Variants in RABL2A observed in about 807,000 individuals in gnomAD.
The protein encoded by RABL2A is RAB, member of RAS oncogene family like 2A.
RABL2A carries 17 observed loss-of-function variants against 30.7 expected under a neutral mutation model. The observed-to-expected ratio is 0.55, with a 90% confidence interval of 0.38 to 0.83. The LOEUF (loss-of-function observed/expected upper bound fraction) is 0.83, where lower values mean the gene tolerates loss of function less well. Among genes scored for constraint, RABL2A ranks in the 40% least tolerant of loss-of-function variants. The pLI, the probability that RABL2A is intolerant of heterozygous loss-of-function variation, is 0.00. For synonymous variants in RABL2A, 64 were observed against 101.8 expected (o/e 0.63, Z 2.24); for missense variants, 155 against 272.6 (o/e 0.57, Z 3.04).
chr2:113,635,553 G>A, intron 5 of RABL2A: 1 of 286,146 alleles, frequency 3.5e-6, no homozygotes, highest in Non-Finnish European at 6.9e-6. Flanking sequence ...TCTCTCTCAG[G>A]CCAGCCCCTC....
intron 5 of RABL2A, among the ~76,000 whole-genome samples, chr2:113,639,164 G>C (rs1343175671): frequency 1.3e-5 from 2 of 151,826 alleles, no homozygotes; most frequent in Admixed American, 6.6e-5. Context: ...GCATGTGCCT[G>C]TAGTTCCAGC....
intron 2 of RABL2A, among the ~76,000 whole-genome samples, chr2:113,631,431 T>A (rs1270574311): frequency 6.6e-6 from 1 of 152,074 alleles, no homozygotes; most frequent in East Asian, 1.9e-4. Context: ...GGTCACACCA[T>A]GTGACTCCCT....
In RABL2A at chr2:113,641,452, T is replaced by C. The variant is rs751128970; in HGVS notation, c.507+2T>C. 2 of 1,611,706 alleles carry C rather than the reference T, an allele frequency of 1.2e-6. No individual in the cohort carries two copies. The highest frequency in any genetic ancestry group is 1.1e-5 in the South Asian group (1 of 90,990). On this transcript the variant is annotated splice_donor_variant, in intron 7 of 8. Transcript: ENST00000683472. LOFTEE classifies it high-confidence loss of function. ...GCTGATGGTACCAATGTTGTGAAGG[T>C]GTGGTTGACTGCAGAGGTAGCTAGC...
rs1293130784 is a variant in RABL2A at position 113,635,171 on chromosome 2, T to A, written c.297+41T>A. ...GAGGTGGACAAAGGCACTGGGCAAG[T>A]CTGGCCTGAGGGGTGAGGGGCCTAG... On this transcript the variant is annotated intron_variant, in intron 5 of 8. Coordinates refer to ENST00000683472, the MANE Select transcript of RABL2A (RefSeq NM_001306158.2). 4 of 1,611,634 alleles carry A rather than the reference T, an allele frequency of 2.5e-6. No homozygotes were observed. In the Admixed American group the frequency reaches 5.0e-5, roughly 20 times the overall value.
At position 113,642,401 on chromosome 2, in the gene RABL2A, G is replaced by A; in HGVS notation, c.*272G>A. On this transcript the variant is annotated 3_prime_UTR_variant, in exon 9 of 9. Transcript: ENST00000683472. ...CACCTTCCCCACCCCCTCCCCCCAG[G>A]CAGACAGTGAAGAGAATCAGAAAAC... The A allele has an allele frequency of 1.6e-6, 1 of 635,340 alleles. No individual in the cohort carries two copies. The highest frequency in any genetic ancestry group is 2.6e-6 in the Non-Finnish European group (1 of 388,850). The allele number at this position is 635,340 out of a possible 1,614,324, so 39.4% of individuals were successfully genotyped here.
At chr2:113,641,489 G>A (rs779227046) in intron 7 of RABL2A, 39 bp downstream of exon 7, 13 of 1,610,970 alleles carry the variant, frequency 8.1e-6, no homozygotes, top group South Asian at 5.5e-5. Context: ...AGGTCAGGGC[G>A]CTAGGTGGTA....
intron 5 of RABL2A, chr2:113,639,918 C>T (rs1333205342): frequency 1.3e-5 from 2 of 150,906 alleles, no homozygotes; most frequent in African/African-American, 2.4e-5. Flanking sequence ...CCTTTAGAGG[C>T]CCAGGTGGGA....
chr2:113,629,337 C>T (rs1038550159), intron 2 of RABL2A, among the ~76,000 whole-genome samples: 2 of 152,296 alleles, frequency 1.3e-5, no homozygotes, highest in East Asian at 1.9e-4. Flanking sequence ...GAAGTGGTCA[C>T]GTTTATCTCC....
At position 113,641,451 on chromosome 2, in the gene RABL2A, G is replaced by T; in HGVS notation, c.507+1G>T. Reference sequence around the variant, plus strand: ...TGCTGATGGTACCAATGTTGTGAAGGTGTGGTTGACTGCAGAGGTAGCTAG... The same window carrying T: ...TGCTGATGGTACCAATGTTGTGAAGTTGTGGTTGACTGCAGAGGTAGCTAG... On this transcript the variant is annotated splice_donor_variant, in intron 7 of 8. Transcript: ENST00000683472. LOFTEE classifies it high-confidence loss of function. 1.9e-6 allele frequency: 3 copies of T among 1,612,396 alleles called. No individual in the cohort carries two copies. Among genetic ancestry groups the T allele is most frequent in the Non-Finnish European group, 2.5e-6 (3 of 1,179,464 alleles).
At chr2:113,635,558 C>T (rs1052215877) in intron 5 of RABL2A, 9 of 280,354 alleles carry the variant, frequency 3.2e-5, no homozygotes, top group Non-Finnish European at 4.9e-5. Context: ...CTCAGGCCAG[C>T]CCCTCGCCTC....
chr2:113,634,561 C>G, intron 4 of RABL2A: 1 of 455,232 alleles, frequency 2.2e-6, no homozygotes, highest in Non-Finnish European at 4.0e-6. Flanking sequence ...TTCCTAGCTT[C>G]AGGGGTTCTT....
At position 113,635,117 on chromosome 2, in the gene RABL2A, A is replaced by G; in HGVS notation, c.284A>G (p.His95Arg). The change falls in exon 5 of 9, where the codon CAT becomes CGT. Residue 95 changes from histidine to arginine, a missense_variant. This residue lies in a region of RABL2A where 82 missense variants were observed against 103.2 expected (regional missense o/e 0.79). Coordinates refer to ENST00000683472, the MANE Select transcript of RABL2A (RefSeq NM_001306158.2). Reference protein sequence around the residue: ...SMHASYYHKAHACIMVFDIQR... With the variant: ...SMHASYYHKARACIMVFDIQR... ...CATGCCTCCTACTACCACAAGGCCC[A>G]TGCCTGCATCATGGTACGAGACGGT... 12 of 1,614,206 alleles carry G rather than the reference A, an allele frequency of 7.4e-6. No homozygotes were observed. Among genetic ancestry groups the G allele is most frequent in the African/African-American group, 1.3e-5 (1 of 75,050 alleles).
At chr2:113,634,766 G>A (rs964179671) in intron 4 of RABL2A, 7 of 502,312 alleles carry the variant, frequency 1.4e-5, no homozygotes, top group South Asian at 4.0e-5. Context: ...CGTGGGAAAC[G>A]GGGAACTGTC....
At chr2:113,637,066 C>T (rs1294958148) in intron 5 of RABL2A, among the ~76,000 whole-genome samples, 1 of 152,178 alleles carries the variant, frequency 6.6e-6, no homozygotes, top group African/African-American at 2.4e-5. Flanking sequence ...TCTAGCCCTA[C>T]CTCCCACTTA....
rs180701525 is a variant in RABL2A, at chr2:113,636,492, A to G, written c.297+1362A>G. On this transcript the variant is annotated intron_variant, in intron 5 of 8. Coordinates refer to ENST00000683472, the MANE Select transcript of RABL2A (RefSeq NM_001306158.2). ...GGGTTTGCTCACAGAGTATCAGCCA[A>G]GATCCCAAGATCAAGTATCCAAAGA... is the stretch of plus-strand genomic sequence containing the variant. Among the ~76,000 whole-genome samples, 1,456 of 152,314 alleles carry G rather than the reference A, an allele frequency of 9.6e-3. 17 individuals are homozygous for G. The highest frequency in any genetic ancestry group is 0.033 in the African/African-American group (1,356 of 41,568).
Position 113,643,019 on chromosome 2 carries a change from A to T in RABL2A, c.*890A>T, listed in dbSNP as rs182952854. On this transcript the variant is annotated 3_prime_UTR_variant, in exon 9 of 9. Transcript: ENST00000683472. ...CTCTGTTTCAGGAGCTCTTCTAGGTAAAGCTGAGATCACAGGAACAGCAGG... is the reference window on the plus strand; with the variant it reads ...CTCTGTTTCAGGAGCTCTTCTAGGTTAAGCTGAGATCACAGGAACAGCAGG... The T allele has an allele frequency of 2.7e-3, 1,059 of 389,462 alleles. 9 individuals are homozygous for T. The highest frequency in any genetic ancestry group is 0.019 in the African/African-American group (887 of 47,004). 24.1% of individuals were successfully genotyped at this position (389,462 alleles called of 1,614,324 possible).
In RABL2A at chr2:113,643,188, A is replaced by C. The variant is rs531674430; in HGVS notation, c.*1059A>C. On this transcript the variant is annotated 3_prime_UTR_variant, in exon 9 of 9. Coordinates refer to ENST00000683472, the MANE Select transcript of RABL2A (RefSeq NM_001306158.2). ...CATAAAGAGGCTGTCCTTTTTTTTT[A>C]GGAATAGTTTGGACCTTGTGCCTCC... 50 of 454,696 alleles carry C rather than the reference A, an allele frequency of 1.1e-4. No homozygotes were observed. Among genetic ancestry groups the C allele is most frequent in the African/African-American group, 9.2e-4 (46 of 49,956 alleles). The allele number at this position is 454,696 out of a possible 1,614,324, so 28.2% of individuals were successfully genotyped here. A position where few individuals can be genotyped will look rare whatever the true frequency, so the allele number is the denominator to read the frequency against.
intron 5 of RABL2A, chr2:113,638,316 C>T (rs1683731295): frequency 1.5e-5 from 15 of 985,298 alleles, no homozygotes; most frequent in Non-Finnish European, 1.6e-5. Flanking sequence ...AGCCCCTAGC[C>T]CTGAGCTTGA....
At chr2:113,641,264 C>T in intron 6 of RABL2A, 89 bp from the exon 7 acceptor site, 1 of 1,589,612 alleles carries the variant, frequency 6.3e-7, no homozygotes, top group Non-Finnish European at 8.6e-7. Context: ...CTGCCTATCC[C>T]ACTTTCTGGA....
Sources: gnomAD v4.1 joint callset for allele counts (sites outside exome capture counted in the v4.1 genomes callset) on GRCh38, gnomAD v4.1.1 for gene constraint, gnomAD v4.1.1 regional missense constraint, MANE v1.5 for transcripts, NCBI Gene and HGNC (gene_info 2026-07-23, HGNC 2026-07-21) for gene names.